TMEM51: variants seen among roughly 807,000 people sequenced by gnomAD.
TMEM51 encodes the protein transmembrane protein 51.
In TMEM51, 8 loss-of-function variants were observed where a neutral mutation model predicts 13.6. The ratio of observed to expected loss-of-function variants is 0.59; its 90% CI spans 0.35 to 1.07. TMEM51 has a LOEUF of 1.07. Among genes scored for constraint, TMEM51 ranks in the 50% least tolerant of loss-of-function variants. The pLI, the probability that TMEM51 is intolerant of heterozygous loss-of-function variation, is 0.02. For synonymous variants in TMEM51, 147 were observed against 144.4 expected, an observed-to-expected ratio of 1.02 and a Z score of -0.13; for missense variants, 279 against 330.7, an observed-to-expected ratio of 0.84 and a Z score of 1.21.
At chr1:15,156,423 T>G (rs950015218) in intron 1 of TMEM51, among the ~76,000 whole-genome samples, 1 of 152,184 alleles carries the variant, frequency 6.6e-6, no homozygotes, top group African/African-American at 2.4e-5. Flanking sequence ...AGCTTTAGTG[T>G]GGATTCTCTT....
intron 1 of TMEM51, among the ~76,000 whole-genome samples, chr1:15,160,583 T>C (rs1642743460): frequency 6.6e-6 from 1 of 151,994 alleles, no homozygotes; most frequent in South Asian, 2.1e-4. Flanking sequence ...AAGAACATGA[T>C]TTTAAAAAAC....
chr1:15,197,786 C>T (rs370399468), intron 1 of TMEM51, among the ~76,000 whole-genome samples: 1 of 151,968 alleles, frequency 6.6e-6, no homozygotes, highest in African/African-American at 2.4e-5. Context: ...CTTCAGCTGC[C>T]GTAGCCCTCC....
chr1:15,203,475 C>G (rs949308833), intron 1 of TMEM51, among the ~76,000 whole-genome samples: 1 of 151,578 alleles, frequency 6.6e-6, no homozygotes, highest in Non-Finnish European at 1.5e-5. Context: ...GTTGGTCAGG[C>G]TGGTCTCGAA....
intron 1 of TMEM51, chr1:15,168,526 G>T (rs1330337135): frequency 6.9e-6 from 9 of 1,304,714 alleles, no homozygotes; most frequent in Middle Eastern, 4.2e-4. Context: ...ATTGGAAGCT[G>T]GTAGAACCAC....
chr1:15,199,081 A>G (rs1364067975), intron 1 of TMEM51, among the ~76,000 whole-genome samples: 1 of 151,684 alleles, frequency 6.6e-6, no homozygotes, highest in Non-Finnish European at 1.5e-5. Flanking sequence ...GAATGCCATA[A>G]TGCCATGCTG....
chr1:15,192,298 A>T, intron 1 of TMEM51: 2 of 373,986 alleles, frequency 5.3e-6, no homozygotes, highest in South Asian at 5.1e-5. Context: ...TAAGGTCAGG[A>T]TCTACTGGTC....
At chr1:15,195,153 G>A (rs1181033713) in intron 1 of TMEM51, among the ~76,000 whole-genome samples, 4 of 151,752 alleles carry the variant, frequency 2.6e-5, no homozygotes, top group Non-Finnish European at 2.9e-5. Flanking sequence ...GGCTGGTCTC[G>A]ATTTCCTGAG....
At chr1:15,205,477 G>T (rs1013820931) in intron 1 of TMEM51, among the ~76,000 whole-genome samples, 2 of 152,132 alleles carry the variant, frequency 1.3e-5, no homozygotes, top group African/African-American at 2.4e-5. Context: ...AGGCCTCAAG[G>T]CCCTGCAGAG....
At chr1:15,178,535 A>G (rs1219230945) in intron 1 of TMEM51, among the ~76,000 whole-genome samples, 3 of 152,188 alleles carry the variant, frequency 2.0e-5, no homozygotes, top group African/African-American at 7.2e-5. Context: ...GTCTTCAGAT[A>G]ACGGCCGGGT....
chr1:15,165,680 T>G (rs557266487), intron 1 of TMEM51, among the ~76,000 whole-genome samples: 11 of 152,330 alleles, frequency 7.2e-5, no homozygotes, highest in Admixed American at 3.3e-4. Flanking sequence ...ACAGTATTTT[T>G]TATAATAGCA....
intron 1 of TMEM51, among the ~76,000 whole-genome samples, chr1:15,198,566 C>T (rs888687010): frequency 1.1e-4 from 16 of 152,050 alleles, no homozygotes; most frequent in African/African-American, 2.4e-4. Context: ...TACAGGTGTC[C>T]GCCACCACGC....
rs1643666422 is a variant in TMEM51, at chr1:15,182,930, T to G, written c.-266-27560T>G. 2.0e-5 allele frequency among the ~76,000 whole-genome samples: 3 copies of G among 152,202 alleles called. No homozygotes were observed. In the East Asian group the frequency reaches 5.8e-4, roughly 29 times the overall value. ...GGCACCTGCCACCACACCCAGCTAATTTTTGTGTTTTTAGTAGAGATGGAG... is the reference window on the plus strand; with the variant it reads ...GGCACCTGCCACCACACCCAGCTAAGTTTTGTGTTTTTAGTAGAGATGGAG... On this transcript the variant is annotated intron_variant, in intron 1 of 3. Transcript: ENST00000376008.
intron 1 of TMEM51, among the ~76,000 whole-genome samples, 184 bp from the exon 2 acceptor site, chr1:15,210,306 C>T (rs1398645378): frequency 1.3e-5 from 2 of 152,158 alleles, no homozygotes; most frequent in African/African-American, 4.8e-5. Flanking sequence ...CCTTCTGCAA[C>T]TCATATTTTT....
chr1:15,196,935 A>G (rs953262663), intron 1 of TMEM51, among the ~76,000 whole-genome samples: 2 of 152,192 alleles, frequency 1.3e-5, no homozygotes, highest in Non-Finnish European at 2.9e-5. Context: ...CAGAAAACTC[A>G]GTGTAATGAA....
chr1:15,214,005 CCT>C (rs1491217121), intron 2 of TMEM51, among the ~76,000 whole-genome samples: 3 of 128,080 alleles, frequency 2.3e-5, no homozygotes, highest in African/African-American at 8.9e-5. Context: ...CAGCACCCAG[CCT>C]TTTTTTTTTT....
intron 1 of TMEM51, among the ~76,000 whole-genome samples, chr1:15,163,290 C>G (rs778466850): frequency 6.6e-6 from 1 of 152,018 alleles, no homozygotes; most frequent in Non-Finnish European, 1.5e-5. Flanking sequence ...GAAATCTTTG[C>G]CCCTTCCCTA....
chr1:15,202,012 T>C (rs1644165078), intron 1 of TMEM51, among the ~76,000 whole-genome samples: 1 of 152,180 alleles, frequency 6.6e-6, no homozygotes, highest in Non-Finnish European at 1.5e-5. Flanking sequence ...TCTTGTCCTG[T>C]CGTCAGCACT....
At chr1:15,169,037 A>C (rs1427679867) in intron 1 of TMEM51, among the ~76,000 whole-genome samples, 2 of 152,178 alleles carry the variant, frequency 1.3e-5, no homozygotes, top group African/African-American at 4.8e-5. Flanking sequence ...AAGGCACTCC[A>C]GTTACATTTT....
intron 1 of TMEM51, among the ~76,000 whole-genome samples, chr1:15,157,578 T>C (rs1262108647): frequency 6.6e-6 from 1 of 152,202 alleles, no homozygotes; most frequent in Non-Finnish European, 1.5e-5. Context: ...CCTTTCTGTC[T>C]GCACTTCACA....
Sources: gnomAD v4.1 joint callset for allele counts (sites outside exome capture counted in the v4.1 genomes callset) on GRCh38, gnomAD v4.1.1 for gene constraint, MANE v1.5 for transcripts, NCBI Gene and HGNC (gene_info 2026-07-23, HGNC 2026-07-21) for gene names.